The following AGAP2 variants were observed in gnomAD, a reference collection of about 807,000 sequenced individuals.
The protein encoded by AGAP2 is arf-GAP with GTPase, ANK repeat and PH domain-containing protein 2.
AGAP2 carries 32 observed loss-of-function variants against 110.9 expected under a neutral mutation model. The observed-to-expected ratio is 0.29, with a 90% CI of 0.22 to 0.39. AGAP2 has a LOEUF of 0.39. Among genes scored for constraint, AGAP2 ranks in the 10% least tolerant of loss-of-function variants. The probability of loss-of-function intolerance (pLI) is 1.00; values close to 1 mark genes in which losing one functional copy is unlikely to be tolerated. For synonymous variants in AGAP2, 702 were observed against 713.0 expected (o/e 0.98, Z 0.25); for missense variants, 1,285 against 1,638.5 (o/e 0.78, Z 3.72).
intron 7 of AGAP2, 66 bp from the exon 8 acceptor site, chr12:57,732,033 C>T: frequency 6.5e-7 from 1 of 1,542,848 alleles, no homozygotes; most frequent in South Asian, 1.2e-5. Context: ...ACACTCATAT[C>T]TCGTTATGGG....
chr12:57,741,362 T>A (rs1955074525), upstream of AGAP2, among the ~76,000 whole-genome samples: 1 of 152,150 alleles, frequency 6.6e-6, no homozygotes, highest in Non-Finnish European at 1.5e-5. Flanking sequence ...GGGACCTATC[T>A]GCACTTTGGC....
Position 57,731,973 on chromosome 12 carries a change from C to T in AGAP2, c.1795-6G>A. 1 of 1,613,110 alleles carries T rather than the reference C, an allele frequency of 6.2e-7. No individual in the cohort carries two copies. ...GTGTGGCCCCCGTTACTAGCCTGGG[C>T]ACATATGGAAGAGTCAGCAGAGCTG... On this transcript the variant is annotated splice_region_variant and splice_polypyrimidine_tract_variant and intron_variant, in intron 7 of 18. Coordinates refer to ENST00000547588, the MANE Select transcript of AGAP2 (RefSeq NM_001122772.3).
chr12:57,738,874 G>A (rs887906066), upstream of AGAP2, among the ~76,000 whole-genome samples: 1 of 152,056 alleles, frequency 6.6e-6, no homozygotes, highest in African/African-American at 2.4e-5. This position sits in a 1 kb window ranked among gnomAD's most constrained non-coding sequence, Gnocchi z 6.7. Context: ...TGGGAGGGGA[G>A]GGGCGTGAGA....
intron 3 of AGAP2, 32 bp downstream of exon 3, chr12:57,734,560 T>A (rs1954945374): frequency 1.2e-6 from 2 of 1,610,804 alleles, no homozygotes; most frequent in Non-Finnish European, 8.5e-7. Flanking sequence ...CTGACCCCAA[T>A]GGTTAGCTTA....
At position 57,734,070 on chromosome 12, in the gene AGAP2, C is replaced by A; in HGVS notation, c.1505G>T (p.Gly502Val). 1.2e-6 allele frequency: 2 copies of A among 1,612,596 alleles called. No individual in the cohort carries two copies. Among genetic ancestry groups the A allele is most frequent in the South Asian group, 1.1e-5 (1 of 90,858 alleles). ...RLHGQLSSLR[G>V]EGRGGLALAL... ...CAAGGCCAGGCCTCCTCGTCCCTCC[C>A]CGCGAAGGGAACTCAGCTGCCCATG... Residue 502 changes from glycine to valine, a missense_variant, in exon 5 of 19, where the codon GGG becomes GTG. Gly to Val is a moderately radical substitution (Grantham distance 109). This residue lies in a region of AGAP2 where 844 missense variants were observed against 941.2 expected (regional missense o/e 0.90). Transcript: ENST00000547588.
At chr12:57,727,907 C>A in intron 15 of AGAP2, 30 bp downstream of exon 15, 1 of 1,612,378 alleles carries the variant, frequency 6.2e-7, no homozygotes, top group Non-Finnish European at 8.5e-7. Flanking sequence ...GTTCCTGCGG[C>A]CAGTCCTCCA....
Position 57,738,568 on chromosome 12 carries a change from G to A in AGAP2, c.-322C>T, listed in dbSNP as rs1014385111. On this transcript the variant is annotated 5_prime_UTR_variant, in exon 1 of 19. Transcript: ENST00000547588. The surrounding 1 kb of genome is among the most constrained non-coding windows in gnomAD (Gnocchi z 6.7). ...GCTGAGATGGGTGGGGGAGGGCGGG[G>A]AGGACAGTAGTGGGGGCAAATGGGG... 1.3e-5 allele frequency among the ~76,000 whole-genome samples: 2 copies of A among 151,912 alleles called. No individual in the cohort carries two copies. The highest frequency in any genetic ancestry group is 2.9e-5 in the Non-Finnish European group (2 of 67,914).
At position 57,728,262 on chromosome 12, in the gene AGAP2, C is replaced by G. The variant is rs1344101861; in HGVS notation, c.2617+56G>C. 40 of 1,588,878 alleles carry G rather than the reference C, an allele frequency of 2.5e-5. 1 individual carries two copies. In the Middle Eastern group the frequency reaches 5.1e-4, roughly 20 times the overall value. ...GAGCACATGCAGGGGAAGGCGGGGGCACCCCCACCCTTCTGCACCCCAGCT... is the reference window on the plus strand; with the variant it reads ...GAGCACATGCAGGGGAAGGCGGGGGGACCCCCACCCTTCTGCACCCCAGCT... On this transcript the variant is annotated intron_variant, in intron 14 of 18. Coordinates refer to ENST00000547588, the MANE Select transcript of AGAP2 (RefSeq NM_001122772.3).
rs970291512 is a variant in AGAP2, at chr12:57,738,306, G to A, written c.-60C>T. ...GGACTCCCCCGGACTGCCTCAGGGG[G>A]GCCCGGCCATGGGGCCGCCCTGCTC... On this transcript the variant is annotated 5_prime_UTR_variant, in exon 1 of 19. Coordinates refer to ENST00000547588, the MANE Select transcript of AGAP2 (RefSeq NM_001122772.3). This position sits in a 1 kb window ranked among gnomAD's most constrained non-coding sequence, Gnocchi z 6.7. 1.4e-6 allele frequency: 2 copies of A among 1,398,788 alleles called. No homozygotes were observed. Among genetic ancestry groups the A allele is most frequent in the Admixed American group, 6.4e-5 (2 of 31,028 alleles). 86.6% of individuals were successfully genotyped at this position (1,398,788 alleles called of 1,614,324 possible).
chr12:57,730,938 T>A lies in AGAP2; in HGVS notation c.2161A>T (p.Thr721Ser). The A allele has an allele frequency of 6.4e-7, 1 of 1,558,596 alleles. No homozygotes were observed. ...HPSINDYIHS[T>S]HGKEMDLLRT... ...AGCAAGTCCATCTCCTTGCCGTGGG[T>A]ACTGTGGATGTAATCCTGGAGGGGT... Residue 721 changes from threonine (T) to serine (S), a missense_variant, in exon 11 of 19, where the codon ACC becomes TCC. By Grantham distance (58) the Thr-to-Ser change is moderately conservative. Transcript: ENST00000547588.
At position 57,726,827 on chromosome 12, in the gene AGAP2, TC is replaced by T; in HGVS notation, c.3337-34del. On this transcript the variant is annotated intron_variant, in intron 18 of 18. Transcript: ENST00000547588. The surrounding 1 kb of genome is among the most constrained non-coding windows in gnomAD (Gnocchi z 5.7). ...GCGGAAACGGCCGCGTGACCGCGCG[TC>T]CCCAGGGCGCCCACACCCGGCGCCG... 7.0e-7 allele frequency: 1 copy of T among 1,431,548 alleles called. No homozygotes were observed. Among genetic ancestry groups the T allele is most frequent in the Non-Finnish European group, 9.1e-7 (1 of 1,097,696 alleles). 88.7% of individuals were successfully genotyped at this position (1,431,548 alleles called of 1,614,324 possible).
chr12:57,727,245 T>A lies in AGAP2; in HGVS notation c.3081-16A>T. The A allele has an allele frequency of 6.2e-7, 1 of 1,612,434 alleles. No homozygotes were observed. Among genetic ancestry groups the A allele is most frequent in the Non-Finnish European group, 8.5e-7 (1 of 1,179,812 alleles). On this transcript the variant is annotated splice_polypyrimidine_tract_variant and intron_variant, in intron 17 of 18. Coordinates refer to ENST00000547588, the MANE Select transcript of AGAP2 (RefSeq NM_001122772.3). ...GCGCTCCTCCCTGCAAGACCAGGGA[T>A]CAACGGAAAAGGCTCTAGGGACCCC... is the stretch of plus-strand genomic sequence containing the variant.
chr12:57,732,800 C>T (rs757808548), intron 6 of AGAP2, 45 bp downstream of exon 6: 1 of 1,611,288 alleles, frequency 6.2e-7, no homozygotes, highest in South Asian at 1.1e-5. Context: ...TATCCCAGGC[C>T]CCTTGCTCTG....
chr12:57,742,141 A>G (rs532159873), upstream of AGAP2: 3 of 1,552,476 alleles, frequency 1.9e-6, no homozygotes, highest in African/African-American at 1.4e-5. Context: ...TACAGCCCCC[A>G]AACCTCAGAA....
At chr12:57,732,649 G>A (rs1239807835) in intron 6 of AGAP2, 137 bp from the exon 7 acceptor site, 2 of 1,292,850 alleles carry the variant, frequency 1.5e-6, no homozygotes, top group African/African-American at 1.5e-5. Context: ...GCCACCTGTG[G>A]CCTTGCCAGC....
At position 57,737,552 on chromosome 12, in the gene AGAP2, G is replaced by C. The variant is rs1955010195; in HGVS notation, c.695C>G (p.Ala232Gly). The C allele has an allele frequency of 1.3e-6, 2 of 1,553,250 alleles. No homozygotes were observed. Among genetic ancestry groups the C allele is most frequent in the African/African-American group, 2.7e-5 (2 of 73,266 alleles). ...KGSKSSAGTG[A>G]SVSAAATAAA... ...GGCGGTGGCGGCGGCAGAGACCGAA[G>C]CTCCAGTCCCGGCGCTGCTCTTTGA... is the stretch of plus-strand genomic sequence containing the variant. The change falls in exon 1 of 19, where the codon GCT (alanine) becomes GGT (glycine). Residue 232 changes from alanine (A) to glycine (G), a missense_variant. By Grantham distance (60) the Ala-to-Gly change is moderately conservative. Coordinates refer to ENST00000547588, the MANE Select transcript of AGAP2 (RefSeq NM_001122772.3). This position sits in a 1 kb window ranked among gnomAD's most constrained non-coding sequence, Gnocchi z 5.9.
intron 2 of AGAP2, 107 bp downstream of exon 2, chr12:57,735,262 A>T: frequency 9.1e-7 from 1 of 1,099,278 alleles, no homozygotes. Flanking sequence ...ACGATTCCCT[A>T]TTCCCAAAGA....
In AGAP2 at chr12:57,738,096, C is replaced by T; in HGVS notation, c.151G>A (p.Asp51Asn). ...TCCGCGCCTCGGGGGCTGCCAGGAT[C>T]CCCAGTCTCGGAGCCTCTGGCACCG... Reference protein sequence around the residue: ...AAGARGSETGDPGSPRGAEEP... With the variant: ...AAGARGSETGNPGSPRGAEEP... Residue 51 changes from aspartate to asparagine, a missense_variant, in exon 1 of 19, where the codon GAT (aspartate) becomes AAT (asparagine). Coordinates refer to ENST00000547588, the MANE Select transcript of AGAP2 (RefSeq NM_001122772.3). This position sits in a 1 kb window ranked among gnomAD's most constrained non-coding sequence, Gnocchi z 6.7. The T allele has an allele frequency of 6.6e-7, 1 of 1,524,202 alleles. No homozygotes were observed. The highest frequency in any genetic ancestry group is 8.8e-7 in the Non-Finnish European group (1 of 1,141,408). The allele number at this position is 1,524,202 out of a possible 1,614,324, so 94.4% of individuals were successfully genotyped here.
Position 57,727,039 on chromosome 12 carries a change from G to T in AGAP2, c.3271C>A (p.Leu1091Met). The T allele has an allele frequency of 6.2e-7, 1 of 1,609,218 alleles. No individual in the cohort carries two copies. The highest frequency in any genetic ancestry group is 8.5e-7 in the Non-Finnish European group (1 of 1,178,610). The part of the protein sequence containing the change: ...PLDTSVEDPQ[L>M]RSPLHLAAEL... ...GCCGCCAGGTGGAGTGGGGAGCGCA[G>T]CTGTGGGTCCTCTACGCTGGTGTCG... The change falls in exon 18 of 19, where the codon CTG becomes ATG. Residue 1091 changes from leucine to methionine, a missense_variant. By Grantham distance (15) the Leu-to-Met change is conservative. Transcript: ENST00000547588.
Sources: allele counts gnomAD v4.1 joint callset (sites outside exome capture counted in the v4.1 genomes callset), GRCh38; gene constraint gnomAD v4.1.1; regional missense constraint gnomAD v4.1.1; non-coding constraint Gnocchi (gnomAD v3.1); transcripts MANE v1.5; gene names NCBI Gene and HGNC (gene_info 2026-07-23, HGNC 2026-07-21).